Variants in NAV2 observed in about 807,000 individuals in gnomAD.
The protein encoded by NAV2 is neuron navigator 2.
Under a neutral mutation model 223.2 loss-of-function variants are expected in NAV2, and 54 were observed. That is an observed-to-expected ratio of 0.24 (90% CI 0.19 to 0.30). NAV2 has a LOEUF of 0.30. NAV2 is among the 10% of genes least tolerant of loss of function. The pLI is 1.00. For missense variants in NAV2, 2,806 were observed against 3,147.5 expected (o/e 0.89, Z 2.60); for synonymous variants, 1,279 against 1,239.3 (o/e 1.03, Z -0.67).
chr11:19,983,814 T>G (rs1272921972), intron 10 of NAV2, among the ~76,000 whole-genome samples: 1 of 152,222 alleles, frequency 6.6e-6, no homozygotes, highest in African/African-American at 2.4e-5. Flanking sequence ...TTGAAAAGAA[T>G]GTCATGAATC....
intron 1 of NAV2, among the ~76,000 whole-genome samples, chr11:19,582,403 C>T (rs2045747653): frequency 6.6e-6 from 1 of 152,140 alleles, no homozygotes; most frequent in African/African-American, 2.4e-5. Context: ...TCTTTTGTTG[C>T]CATTGCTTTT....
chr11:19,554,737 C>T (rs1053205747), intron 1 of NAV2, among the ~76,000 whole-genome samples: 2 of 152,128 alleles, frequency 1.3e-5, no homozygotes, highest in South Asian at 2.1e-4. Flanking sequence ...GAGGCCGAGG[C>T]GGGCAGATCA....
intron 1 of NAV2, among the ~76,000 whole-genome samples, chr11:19,640,119 G>A (rs921214741): frequency 6.6e-6 from 1 of 152,206 alleles, no homozygotes; most frequent in Non-Finnish European, 1.5e-5. Context: ...ACATCTATAT[G>A]TTTCAGGGCA....
At chr11:19,924,047 G>A (rs1170468761) in intron 6 of NAV2, among the ~76,000 whole-genome samples, 1 of 152,210 alleles carries the variant, frequency 6.6e-6, no homozygotes, top group Non-Finnish European at 1.5e-5. Flanking sequence ...TTTAAAATTT[G>A]TGTAGAATAC....
At chr11:19,488,119 G>A (rs1399065059) in intron 1 of NAV2, among the ~76,000 whole-genome samples, 1 of 152,144 alleles carries the variant, frequency 6.6e-6, no homozygotes, top group Non-Finnish European at 1.5e-5. Flanking sequence ...CCCAGACATG[G>A]CAGTGCCCCT....
At chr11:19,993,173 T>G (rs1360690103) in intron 11 of NAV2, among the ~76,000 whole-genome samples, 2 of 152,226 alleles carry the variant, frequency 1.3e-5, no homozygotes, top group African/African-American at 4.8e-5. Context: ...TGAATGTTTT[T>G]GTATGAGTCA....
intron 1 of NAV2, among the ~76,000 whole-genome samples, chr11:19,823,949 A>G (rs981701221): frequency 3.9e-5 from 6 of 152,200 alleles, no homozygotes; most frequent in African/African-American, 1.2e-4. Context: ...AAAAAGTGCA[A>G]TTGTGTTAAT....
At chr11:19,421,318 G>A (rs1850602298) in intron 1 of NAV2, among the ~76,000 whole-genome samples, 1 of 152,150 alleles carries the variant, frequency 6.6e-6, no homozygotes, top group African/African-American at 2.4e-5. Context: ...CATCACAGAG[G>A]ACCAGAGTGC....
chr11:20,077,936 A>G, intron 23 of NAV2, 57 bp from the exon 24 acceptor site: 3 of 1,385,092 alleles, frequency 2.2e-6, no homozygotes. Flanking sequence ...GTTGTACTTC[A>G]GTTGAACTCT....
Position 19,933,446 on chromosome 11 carries a change from T to C in NAV2, c.1202T>C (p.Met401Thr). 1.2e-6 allele frequency: 2 copies of C among 1,600,538 alleles called. No homozygotes were observed. Among genetic ancestry groups the C allele is most frequent in the Non-Finnish European group, 1.7e-6 (2 of 1,173,800 alleles). The change falls in exon 7 of 38, where the codon ATG becomes ACG. Residue 401 changes from methionine to threonine, a missense_variant. Met to Thr is a moderately conservative substitution (Grantham distance 81). Coordinates refer to ENST00000349880, the MANE Select transcript of NAV2 (RefSeq NM_145117.5). The surrounding 1 kb of genome is among the most constrained non-coding windows in gnomAD (Gnocchi z 4.3). ...MKPAPNNQKS[M>T]LEKLKLFNSK... is the part of the protein sequence containing the mutation. The stretch of plus-strand genomic sequence containing the variant: ...CCGGCCCCCAACAATCAGAAGTCCA[T>C]GCTGGAAAAGCTGAAACTTTTCAAC...
intron 1 of NAV2, among the ~76,000 whole-genome samples, chr11:19,511,925 G>A (rs1168714594): frequency 6.6e-6 from 1 of 152,158 alleles, no homozygotes; most frequent in South Asian, 2.1e-4. Flanking sequence ...AAAACCAAAC[G>A]CCTGTCCAAA....
At chr11:20,040,046 T>G (rs1324897871) in intron 12 of NAV2, among the ~76,000 whole-genome samples, 1 of 152,148 alleles carries the variant, frequency 6.6e-6, no homozygotes, top group Non-Finnish European at 1.5e-5. Context: ...TAACACAGCC[T>G]GAGAGGATAA....
chr11:19,357,533 C>A (rs183194801), intron 1 of NAV2, among the ~76,000 whole-genome samples: 1 of 152,010 alleles, frequency 6.6e-6, no homozygotes. Context: ...TATTATAATT[C>A]TTATCATATG....
At chr11:19,617,586 C>T (rs138018944) in intron 1 of NAV2, among the ~76,000 whole-genome samples, 1 of 152,216 alleles carries the variant, frequency 6.6e-6, no homozygotes, top group Non-Finnish European at 1.5e-5. Context: ...GCAGTAAGTG[C>T]TATGAAGAAG....
chr11:19,549,902 C>T (rs1025312516), intron 1 of NAV2, among the ~76,000 whole-genome samples: 1 of 152,216 alleles, frequency 6.6e-6, no homozygotes. Flanking sequence ...GCCCTGCCCT[C>T]GGCTCTGGAG....
At chr11:19,740,211 G>C (rs1309687282) in intron 1 of NAV2, among the ~76,000 whole-genome samples, 1 of 152,108 alleles carries the variant, frequency 6.6e-6, no homozygotes, top group Non-Finnish European at 1.5e-5. Context: ...AGTGTGAAGG[G>C]GTTTATTCAA....
chr11:20,114,726 C>T lies in NAV2; in HGVS notation c.7095C>T (p.Gly2365=). The change falls in exon 37 of 38, where the codon GGC becomes GGT. Residue 2365 remains glycine (G), a synonymous_variant. Transcript: ENST00000349880. ...QLRPEDVGFD[G]YSMPREGSTS... ...GGCCTGAGGATGTCGGCTTCGACGG[C>T]TACTCCATGCCTCGGGAGGGATCGA... The T allele has an allele frequency of 6.2e-7, 1 of 1,614,116 alleles. No homozygotes were observed. The highest frequency in any genetic ancestry group is 8.5e-7 in the Non-Finnish European group (1 of 1,180,030).
rs557754307 is a variant in NAV2 at position 19,350,725 on chromosome 11, C to T, written c.-228C>T. Reference sequence around the variant, plus strand: ...TAAAGTAAAACCCCAAGACTTAGCTCTCATGATGCCGGCAGCAGTCACCCT... The same window carrying T: ...TAAAGTAAAACCCCAAGACTTAGCTTTCATGATGCCGGCAGCAGTCACCCT... On this transcript the variant is annotated 5_prime_UTR_variant, in exon 1 of 38. Transcript: ENST00000360655. 5.2e-4 allele frequency: 291 copies of T among 556,752 alleles called. 2 individuals are homozygous for T. The highest frequency in any genetic ancestry group is 4.0e-3 in the Middle Eastern group (9 of 2,272). 34.5% of individuals were successfully genotyped at this position (556,752 alleles called of 1,614,324 possible).
At chr11:19,658,926 C>T (rs912241811) in intron 1 of NAV2, among the ~76,000 whole-genome samples, 1 of 152,140 alleles carries the variant, frequency 6.6e-6, no homozygotes, top group Non-Finnish European at 1.5e-5. Context: ...AGCCAGGTAC[C>T]TCTCTCCACT....
Sources: allele counts gnomAD v4.1 joint callset (sites outside exome capture counted in the v4.1 genomes callset), GRCh38; gene constraint gnomAD v4.1.1; non-coding constraint Gnocchi (gnomAD v3.1); transcripts MANE v1.5; gene names NCBI Gene and HGNC (gene_info 2026-07-23, HGNC 2026-07-21).